The following LRRFIP1 variants were observed in gnomAD, a reference collection of about 807,000 sequenced individuals.
LRRFIP1 encodes the protein LRR binding FLII interacting protein 1.
In LRRFIP1, 62 loss-of-function variants were observed where a neutral mutation model predicts 104.4. That is an observed-to-expected ratio of 0.59 (90% confidence interval 0.48 to 0.73). The LOEUF (loss-of-function observed/expected upper bound fraction) is 0.73, where lower values mean the gene tolerates loss of function less well. Among genes scored for constraint, LRRFIP1 ranks in the 30% least tolerant of loss-of-function variants. LRRFIP1 has a pLI of 0.00. For missense variants in LRRFIP1, 796 were observed against 824.5 expected (o/e 0.97, Z 0.42); for synonymous variants, 300 against 299.0 (o/e 1.00, Z -0.03).
At chr2:237,740,306 C>G (rs1405585830) in intron 11 of LRRFIP1, among the ~76,000 whole-genome samples, 1 of 151,564 alleles carries the variant, frequency 6.6e-6, no homozygotes, top group Non-Finnish European at 1.5e-5. Context: ...GTCGCAGCTA[C>G]TCAGGAGGTT....
intron 1 of LRRFIP1, among the ~76,000 whole-genome samples, chr2:237,662,085 C>T (rs539310047): frequency 1.3e-5 from 2 of 152,314 alleles, no homozygotes; most frequent in South Asian, 4.1e-4. Flanking sequence ...TGGGTTCCTT[C>T]TGGAGGCTCT....
chr2:237,723,958 G>T (rs116435446), intron 7 of LRRFIP1, among the ~76,000 whole-genome samples: 1 of 151,932 alleles, frequency 6.6e-6, no homozygotes, highest in Non-Finnish European at 1.5e-5. Flanking sequence ...CTCTACATTT[G>T]CTTTAAAAGA....
chr2:237,636,007 G>GGATC (rs1264381610), intron 1 of LRRFIP1, among the ~76,000 whole-genome samples: 2 of 151,500 alleles, frequency 1.3e-5, no homozygotes, highest in African/African-American at 2.4e-5. Context: ...TGAGGTGGGA[G>GGATC]GATCACTTGA....
At chr2:237,677,660 A>C (rs1367212336) in intron 1 of LRRFIP1, among the ~76,000 whole-genome samples, 2 of 152,204 alleles carry the variant, frequency 1.3e-5, no homozygotes. Flanking sequence ...TAATTAATAA[A>C]ATGTGAATTA....
At chr2:237,643,825 G>T (rs2084430268) in intron 1 of LRRFIP1, among the ~76,000 whole-genome samples, 1 of 152,236 alleles carries the variant, frequency 6.6e-6, no homozygotes, top group South Asian at 2.1e-4. Context: ...ACTAGAACAA[G>T]ATTTGAAAAG....
Position 237,757,534 on chromosome 2 carries a change from G to C in LRRFIP1, c.1210G>C (p.Asp404His). The C allele has an allele frequency of 6.3e-7, 1 of 1,580,698 alleles. No homozygotes were observed. The highest frequency in any genetic ancestry group is 1.2e-5 in the South Asian group (1 of 85,850). The change falls in exon 17 of 24, where the codon GAC becomes CAC. Residue 404 changes from aspartate (D) to histidine (H), a missense_variant. Coordinates refer to ENST00000308482, the MANE Select transcript of LRRFIP1 (RefSeq NM_001137550.2). ...SDLQETIEWK[D>H]KKIGALERQK... ...TCTTCAGGAAACAATAGAGTGGAAA[G>C]ACAAAAAGATAGGGGTAGGATTCCC...
At chr2:237,695,698 G>T (rs1419134149) in intron 1 of LRRFIP1, among the ~76,000 whole-genome samples, 2 of 151,924 alleles carry the variant, frequency 1.3e-5, no homozygotes, top group African/African-American at 2.4e-5. Flanking sequence ...CATGGGACAG[G>T]AGAAGAGGAT....
chr2:237,656,588 G>A (rs2149431574), intron 1 of LRRFIP1, among the ~76,000 whole-genome samples: 1 of 152,302 alleles, frequency 6.6e-6, no homozygotes, highest in Middle Eastern at 3.4e-3. Flanking sequence ...CGTGCACACT[G>A]AGCATTGTCT....
chr2:237,717,142 C>T lies in LRRFIP1; in HGVS notation c.202-620C>T, dbSNP rs1474139965. ...CCCCTGAGCTAATGTCACCTCCAGA[C>T]ATACATAACTTGTGGGTCTGCATAT... is the stretch of plus-strand genomic sequence containing the variant. On this transcript the variant is annotated intron_variant, in intron 3 of 23. Transcript: ENST00000308482. This position sits in a 1 kb window ranked among gnomAD's most constrained non-coding sequence, Gnocchi z 4.2. Among the ~76,000 whole-genome samples the T allele has an allele frequency of 6.6e-6, 1 of 152,164 alleles. No homozygotes were observed. The highest frequency in any genetic ancestry group is 1.5e-5 in the Non-Finnish European group (1 of 68,022).
In LRRFIP1 at chr2:237,749,595, T is replaced by C. The variant is rs146180553; in HGVS notation, c.795+271T>C. 2.6e-5 allele frequency among the ~76,000 whole-genome samples: 4 copies of C among 152,204 alleles called. No individual in the cohort carries two copies. The East Asian group carries it at 7.7e-4, about 29-fold the overall frequency. ...CCTCAGCACCCGGGGAATACCTTAG[T>C]GAGAGCACTTGGCACGTTGTGTTGA... On this transcript the variant is annotated intron_variant, in intron 13 of 23. Coordinates refer to ENST00000308482, the MANE Select transcript of LRRFIP1 (RefSeq NM_001137550.2).
intron 8 of LRRFIP1, among the ~76,000 whole-genome samples, chr2:237,730,700 T>C (rs2094960999): frequency 6.6e-6 from 1 of 152,148 alleles, no homozygotes; most frequent in East Asian, 1.9e-4. Flanking sequence ...GGGCAGACCA[T>C]GAGGTCAGGA....
At chr2:237,694,979 G>A (rs1258329883) in intron 1 of LRRFIP1, among the ~76,000 whole-genome samples, 1 of 152,186 alleles carries the variant, frequency 6.6e-6, no homozygotes, top group Non-Finnish European at 1.5e-5. Flanking sequence ...CTCATTATAG[G>A]TACCTGGGCC....
At chr2:237,635,389 A>G (rs1472078116) in intron 1 of LRRFIP1, among the ~76,000 whole-genome samples, 3 of 152,256 alleles carry the variant, frequency 2.0e-5, no homozygotes, top group African/African-American at 4.8e-5. Flanking sequence ...TTGAATAAAA[A>G]TCACTGGCAG....
chr2:237,657,776 AT>A (rs1222117455), intron 1 of LRRFIP1, among the ~76,000 whole-genome samples: 5 of 152,378 alleles, frequency 3.3e-5, no homozygotes, highest in African/African-American at 1.2e-4. Context: ...CGTCCCCATA[AT>A]TCCTTCTTGA....
At chr2:237,631,857 C>G (rs1216664659) in intron 1 of LRRFIP1, among the ~76,000 whole-genome samples, 1 of 152,244 alleles carries the variant, frequency 6.6e-6, no homozygotes, top group Non-Finnish European at 1.5e-5. Context: ...CTTATTATCC[C>G]CTGGTGGTGC....
At chr2:237,636,838 A>G (rs1457742582) in intron 1 of LRRFIP1, among the ~76,000 whole-genome samples, 5 of 152,214 alleles carry the variant, frequency 3.3e-5, no homozygotes, top group African/African-American at 1.2e-4. Context: ...CTCTGATTTG[A>G]ACCCAGTCTC....
intron 1 of LRRFIP1, among the ~76,000 whole-genome samples, chr2:237,655,645 AT>A (rs1430822884): frequency 2.0e-5 from 3 of 152,210 alleles, no homozygotes; most frequent in Non-Finnish European, 4.4e-5. Flanking sequence ...ACTAAAGCTG[AT>A]TTGGGTGCTC....
In LRRFIP1 at chr2:237,762,889, G is replaced by T. The variant is rs755960082; in HGVS notation, c.1459+2684G>T. On this transcript the variant is annotated intron_variant, in intron 19 of 23. Coordinates refer to ENST00000308482, the MANE Select transcript of LRRFIP1 (RefSeq NM_001137550.2). ...ACACAGTACAGGTTGAGTCAAATGAGGTCATGGGTGCACCAGATGACAGGA... is the reference window on the plus strand; with the variant it reads ...ACACAGTACAGGTTGAGTCAAATGATGTCATGGGTGCACCAGATGACAGGA... 6 of 1,614,066 alleles carry T rather than the reference G, an allele frequency of 3.7e-6. No homozygotes were observed. In the African/African-American group the frequency reaches 8.0e-5, roughly 22 times the overall value.
chr2:237,683,091 G>A (rs1320605102), intron 1 of LRRFIP1, among the ~76,000 whole-genome samples: 1 of 152,212 alleles, frequency 6.6e-6, no homozygotes, highest in Non-Finnish European at 1.5e-5. Flanking sequence ...AGCCGCCCAC[G>A]ACAAGGAACT....
Sources: allele counts gnomAD v4.1 joint callset (sites outside exome capture counted in the v4.1 genomes callset), GRCh38; gene constraint gnomAD v4.1.1; non-coding constraint Gnocchi (gnomAD v3.1); transcripts MANE v1.5; gene names NCBI Gene and HGNC (gene_info 2026-07-23, HGNC 2026-07-21).